Variants in ADGRL1 observed in about 807,000 individuals in gnomAD.
ADGRL1 encodes CIRL-1.
Under a neutral mutation model 148.9 loss-of-function variants are expected in ADGRL1, and 31 were observed. The observed-to-expected ratio is 0.21, with a 90% confidence interval of 0.16 to 0.28. The LOEUF is 0.28. ADGRL1 is among the 10% of genes least tolerant of loss of function. The pLI is 1.00. For missense variants in ADGRL1, 1,521 were observed against 2,058.8 expected, an observed-to-expected ratio of 0.74 and a Z score of 5.05; for synonymous variants, 937 against 900.3, an observed-to-expected ratio of 1.04 and a Z score of -0.73.
chr19:14,191,709 T>C (rs1465596691), intron 1 of ADGRL1, among the ~76,000 whole-genome samples: 3 of 151,972 alleles, frequency 2.0e-5, no homozygotes, highest in African/African-American at 7.2e-5. Flanking sequence ...TTTTTTTTTT[T>C]TTCTGAGACA....
chr19:14,153,582 A>ATTTTTTTTT (rs34163270), intron 18 of ADGRL1, among the ~76,000 whole-genome samples: 1 of 128,434 alleles, frequency 7.8e-6, no homozygotes. Context: ...CACCTGGCTA[A>ATTTTTTTTT]TTTTTTTTTT....
rs1379460377 is a variant in ADGRL1 at position 14,151,494 on chromosome 19, C to T, written c.3789G>A (p.Pro1263=). Residue 1263 remains proline (P), a synonymous_variant, in exon 23 of 23, where the codon CCG becomes CCA. Coordinates refer to ENST00000361434, the MANE Select transcript of ADGRL1 (RefSeq NM_014921.5). The part of the protein sequence containing the change: ...DFPPGDGGPE[P]PRGRNLADAA... ...CATCGGCTAGGTTCCGGCCTCGGGGCGGCTCAGGGCCCCCATCCCCGGGAG... is the reference window on the plus strand; with the variant it reads ...CATCGGCTAGGTTCCGGCCTCGGGGTGGCTCAGGGCCCCCATCCCCGGGAG... The T allele has an allele frequency of 8.1e-6, 13 of 1,610,714 alleles. No homozygotes were observed. Among genetic ancestry groups the T allele is most frequent in the Middle Eastern group, 1.6e-4 (1 of 6,064 alleles).
chr19:14,201,574 T>C (rs956970322), intron 1 of ADGRL1, among the ~76,000 whole-genome samples: 1 of 151,880 alleles, frequency 6.6e-6, no homozygotes, highest in African/African-American at 2.4e-5. Flanking sequence ...ATATTCACGA[T>C]GCCCAACTAT....
At chr19:14,205,615 C>A (rs1207033638) in intron 1 of ADGRL1, among the ~76,000 whole-genome samples, 1 of 151,852 alleles carries the variant, frequency 6.6e-6, no homozygotes, top group Non-Finnish European at 1.5e-5. Flanking sequence ...ACCGGGGACA[C>A]GCAGGCACCG....
intron 3 of ADGRL1, among the ~76,000 whole-genome samples, chr19:14,174,974 T>C (rs1037452925): frequency 1.4e-4 from 21 of 151,814 alleles, no homozygotes; most frequent in Non-Finnish European, 2.1e-4. Context: ...TCTGAGTAGC[T>C]GGGACCACAG....
chr19:14,166,451 G>A (rs1969969748), intron 4 of ADGRL1, among the ~76,000 whole-genome samples: 2 of 152,012 alleles, frequency 1.3e-5, no homozygotes, highest in Admixed American at 1.3e-4. Flanking sequence ...CGAGACATAG[G>A]AGAATCTGCT....
At chr19:14,167,929 C>T (rs78204302) in intron 4 of ADGRL1, among the ~76,000 whole-genome samples, 4,722 of 152,190 alleles carry the variant, frequency 0.031, 262 homozygotes, top group African/African-American at 0.11. Flanking sequence ...GCCCTGCGGA[C>T]GGGCGGCACC....
chr19:14,173,253 A>G (rs369102347), intron 3 of ADGRL1, among the ~76,000 whole-genome samples: 19 of 151,834 alleles, frequency 1.3e-4, no homozygotes, highest in East Asian at 7.7e-4. Context: ...GAGCCATCAC[A>G]CCCAGCCTAT....
Position 14,160,743 on chromosome 19 carries a change from A to C in ADGRL1, c.1511-47T>G. ...AACAGACAAGGGAGCCAAAGGGAAGAAGAGAAGGATGGGACAGAGAGGGGG... is the reference window on the plus strand; with the variant it reads ...AACAGACAAGGGAGCCAAAGGGAAGCAGAGAAGGATGGGACAGAGAGGGGG... On this transcript the variant is annotated intron_variant, in intron 6 of 22. Coordinates refer to ENST00000361434, the MANE Select transcript of ADGRL1 (RefSeq NM_014921.5). This position sits in a 1 kb window ranked among gnomAD's most constrained non-coding sequence, Gnocchi z 5.9. 1 of 1,127,430 alleles carries C rather than the reference A, an allele frequency of 8.9e-7. No homozygotes were observed. The highest frequency in any genetic ancestry group is 1.3e-5 in the South Asian group (1 of 78,904). The allele number at this position is 1,127,430 out of a possible 1,614,324, so 69.8% of individuals were successfully genotyped here.
At chr19:14,158,219 C>G in intron 12 of ADGRL1, 119 bp downstream of exon 12, 1 of 1,278,784 alleles carries the variant, frequency 7.8e-7, no homozygotes, top group Non-Finnish European at 1.1e-6. Context: ...GGCCCAAGCT[C>G]TAAAGTGGAA....
intron 1 of ADGRL1, among the ~76,000 whole-genome samples, chr19:14,201,576 C>T (rs1179986922): frequency 2.0e-5 from 3 of 151,908 alleles, no homozygotes; most frequent in Non-Finnish European, 1.5e-5. Context: ...ATTCACGATG[C>T]CCAACTATTA....
intron 4 of ADGRL1, chr19:14,170,053 G>T (rs895058726): frequency 6.6e-6 from 1 of 152,352 alleles, no homozygotes; most frequent in Non-Finnish European, 1.5e-5. Flanking sequence ...GAGGAGCTAT[G>T]AATCTGTTGA....
chr19:14,163,486 G>A (rs1023747323), intron 4 of ADGRL1, 80 bp from the exon 5 acceptor site: 2 of 1,076,342 alleles, frequency 1.9e-6, no homozygotes, highest in Admixed American at 5.4e-5. Flanking sequence ...GAGAGAGAGA[G>A]AGAGAGAGAG....
chr19:14,197,991 C>A (rs1972371992), intron 1 of ADGRL1, among the ~76,000 whole-genome samples: 1 of 152,104 alleles, frequency 6.6e-6, no homozygotes, highest in East Asian at 1.9e-4. Flanking sequence ...CAGGAAATGC[C>A]TCCCCTAAAA....
At position 14,150,652 on chromosome 19, in the gene ADGRL1, AGCTGGTGCGTGTG is replaced by A. The variant is rs1968069002; in HGVS notation, c.*208_*220del. ...TCCTCACTACACTTCCCCCAAATAGAGCTGGTGCGTGTGGCTGGTGGGAAACCCTGTCTGTGAA... is the reference window on the plus strand; with the variant it reads ...TCCTCACTACACTTCCCCCAAATAGAGCTGGTGGGAAACCCTGTCTGTGAA... On this transcript the variant is annotated 3_prime_UTR_variant, in exon 23 of 23. Transcript: ENST00000361434. 1 of 579,376 alleles carries A rather than the reference AGCTGGTGCGTGTG, an allele frequency of 1.7e-6. No individual in the cohort carries two copies. The highest frequency in any genetic ancestry group is 4.6e-4 in the Middle Eastern group (1 of 2,194). 35.9% of individuals were successfully genotyped at this position (579,376 alleles called of 1,614,324 possible). A position where few individuals can be genotyped will look rare whatever the true frequency, so the allele number is the denominator to read the frequency against.
At chr19:14,163,688 C>T (rs748877384) in intron 4 of ADGRL1, among the ~76,000 whole-genome samples, 2 of 151,994 alleles carry the variant, frequency 1.3e-5, no homozygotes, top group African/African-American at 2.4e-5. Flanking sequence ...CCATTAAGAG[C>T]GGGGTTAGTG....
rs1425588318 is a variant in ADGRL1, at chr19:14,206,067, C to A, written c.-178G>T. ...CGGGCCCCCCGCCCGGCACATCTCCCGGAGCCGGGGCTGGGGGGAAGCGGG... is the reference window on the plus strand; with the variant it reads ...CGGGCCCCCCGCCCGGCACATCTCCAGGAGCCGGGGCTGGGGGGAAGCGGG... On this transcript the variant is annotated 5_prime_UTR_variant, in exon 1 of 23. Coordinates refer to ENST00000361434, the MANE Select transcript of ADGRL1 (RefSeq NM_014921.5). 4.6e-5 allele frequency: 7 copies of A among 151,908 alleles called. No individual in the cohort carries two copies. Among genetic ancestry groups the A allele is most frequent in the Admixed American group, 2.6e-4 (4 of 15,258 alleles). The allele number at this position is 151,908 out of a possible 1,614,324, so 9.4% of individuals were successfully genotyped here. A position where few individuals can be genotyped will look rare whatever the true frequency, so the allele number is the denominator to read the frequency against.
intron 4 of ADGRL1, among the ~76,000 whole-genome samples, chr19:14,164,122 A>AGTAGCC (rs1277084364): frequency 6.6e-6 from 1 of 151,352 alleles, no homozygotes; most frequent in Non-Finnish European, 1.5e-5. Context: ...CCACGAAGTC[A>AGTAGCC]GTAGCCGAGG....
intron 4 of ADGRL1, among the ~76,000 whole-genome samples, chr19:14,166,274 C>T (rs1021399153): frequency 6.7e-6 from 1 of 148,902 alleles, no homozygotes; most frequent in Non-Finnish European, 1.5e-5. Flanking sequence ...TGGCAGGCTG[C>T]CCCCTCCCAG....
Sources: gnomAD v4.1 joint callset for allele counts (sites outside exome capture counted in the v4.1 genomes callset) on GRCh38, gnomAD v4.1.1 for gene constraint, Gnocchi (gnomAD v3.1) non-coding constraint, MANE v1.5 for transcripts, NCBI Gene and HGNC (gene_info 2026-07-23, HGNC 2026-07-21) for gene names.